ABLIM2: variants seen among roughly 807,000 people sequenced by gnomAD.
The protein encoded by ABLIM2 is actin binding LIM protein family member 2.
ABLIM2 carries 53 observed loss-of-function variants against 97.7 expected under a neutral mutation model. The ratio of observed to expected loss-of-function variants is 0.54; its 90% CI spans 0.44 to 0.68. The LOEUF (loss-of-function observed/expected upper bound fraction) is 0.68, where lower values mean the gene tolerates loss of function less well. Among genes scored for constraint, ABLIM2 ranks in the 30% least tolerant of loss-of-function variants. ABLIM2 has a pLI of 0.00. For missense variants in ABLIM2, 835 were observed against 867.2 expected, an observed-to-expected ratio of 0.96 and a Z score of 0.47; for synonymous variants, 361 against 345.8, an observed-to-expected ratio of 1.04 and a Z score of -0.49.
At chr4:7,976,298 C>A (rs535402957) in intron 20 of ABLIM2, among the ~76,000 whole-genome samples, 20 of 152,252 alleles carry the variant, frequency 1.3e-4, no homozygotes, top group African/African-American at 4.6e-4. Flanking sequence ...CATCTGCATC[C>A]ATCCACTTCT....
In ABLIM2 at chr4:8,128,438, C is replaced by T. The variant is rs1301618435; in HGVS notation, c.11-21801G>A. ...ACACCCAGTACAGCTGCCTGCAGCTCGCAAGGCCCCTGCATACCGAAACAT... is the reference window on the plus strand; with the variant it reads ...ACACCCAGTACAGCTGCCTGCAGCTTGCAAGGCCCCTGCATACCGAAACAT... On this transcript the variant is annotated intron_variant, in intron 1 of 20. Transcript: ENST00000447017. The surrounding 1 kb of genome is among the most constrained non-coding windows in gnomAD (Gnocchi z 4.9). Among the ~76,000 whole-genome samples the T allele has an allele frequency of 6.6e-6, 1 of 152,196 alleles. No homozygotes were observed. Among genetic ancestry groups the T allele is most frequent in the South Asian group, 2.1e-4 (1 of 4,832 alleles).
chr4:8,154,099 T>A (rs530114522), intron 1 of ABLIM2, among the ~76,000 whole-genome samples: 4,376 of 148,056 alleles, frequency 0.03, 99 homozygotes, highest in African/African-American at 0.063. Context: ...AGTAGCTGGG[T>A]CTACAGGCAC....
intron 9 of ABLIM2, among the ~76,000 whole-genome samples, chr4:8,039,894 T>TTC (rs34998079): frequency 0.12 from 17,583 of 145,382 alleles, 950 homozygotes; most frequent in East Asian, 0.27. Context: ...TTTTTTTTTT[T>TTC]TTAATAAATG....
Position 7,996,709 on chromosome 4 carries a change from T to A in ABLIM2, c.1619-3782A>T, listed in dbSNP as rs1007673344. Among the ~76,000 whole-genome samples the A allele has an allele frequency of 6.6e-6, 1 of 152,220 alleles. No homozygotes were observed. The highest frequency in any genetic ancestry group is 2.4e-5 in the African/African-American group (1 of 41,450). ...AAGCCTTCTTCTATTATCATTTCCTTTCTGTTTGGAGAAGATTCCTTACGG... is the reference window on the plus strand; with the variant it reads ...AAGCCTTCTTCTATTATCATTTCCTATCTGTTTGGAGAAGATTCCTTACGG... On this transcript the variant is annotated intron_variant, in intron 16 of 20. Coordinates refer to ENST00000447017, the MANE Select transcript of ABLIM2 (RefSeq NM_001130083.2). This position sits in a 1 kb window ranked among gnomAD's most constrained non-coding sequence, Gnocchi z 4.5.
At chr4:7,967,451 T>G (rs914045397) in intron 20 of ABLIM2, among the ~76,000 whole-genome samples, 2 of 152,148 alleles carry the variant, frequency 1.3e-5, no homozygotes, top group African/African-American at 2.4e-5. Flanking sequence ...TTTTATAGAT[T>G]TCCTTCAGTG....
chr4:8,050,712 A>G (rs764568446), intron 8 of ABLIM2, among the ~76,000 whole-genome samples: 1 of 151,094 alleles, frequency 6.6e-6, no homozygotes, highest in Non-Finnish European at 1.5e-5. Context: ...TCTCCCTCCC[A>G]CCCCCAGGCC....
At chr4:8,142,914 G>A (rs886644734) in intron 1 of ABLIM2, among the ~76,000 whole-genome samples, 10 of 152,184 alleles carry the variant, frequency 6.6e-5, no homozygotes, top group Admixed American at 5.9e-4. Context: ...GTGGGAGGGC[G>A]AGGAAGATAG....
chr4:8,084,276 C>T (rs1291310935), intron 4 of ABLIM2, among the ~76,000 whole-genome samples: 4 of 152,160 alleles, frequency 2.6e-5, no homozygotes, highest in Admixed American at 1.3e-4. Context: ...GGGCCCAGAG[C>T]GGGACGGGGG....
intron 20 of ABLIM2, among the ~76,000 whole-genome samples, chr4:7,973,062 G>A (rs934196255): frequency 1.2e-4 from 13 of 108,478 alleles, no homozygotes; most frequent in Non-Finnish European, 2.1e-4. Flanking sequence ...CCAGCAATGA[G>A]CTGCTCCCCT....
rs933905749 is a variant in ABLIM2, at chr4:7,982,692, T to C, written c.1824+572A>G. Among the ~76,000 whole-genome samples the C allele has an allele frequency of 1.3e-4, 20 of 149,270 alleles. 1 individual carries two copies. Among genetic ancestry groups the C allele is most frequent in the African/African-American group, 4.9e-4 (20 of 41,206 alleles). Reference sequence around the variant, plus strand: ...TCAGTAGGAGAGAACAGGCACCTCCTGCAGAGCTCATTATTATTATTATTA... The same window carrying C: ...TCAGTAGGAGAGAACAGGCACCTCCCGCAGAGCTCATTATTATTATTATTA... On this transcript the variant is annotated intron_variant, in intron 20 of 20. Transcript: ENST00000447017.
At chr4:8,012,759 C>T (rs1765917303) in intron 14 of ABLIM2, among the ~76,000 whole-genome samples, 1 of 152,058 alleles carries the variant, frequency 6.6e-6, no homozygotes, top group Non-Finnish European at 1.5e-5. Flanking sequence ...TCCATCCATC[C>T]ATCCACCCAC....
chr4:8,087,710 G>T lies in ABLIM2; in HGVS notation c.454+459C>A, dbSNP rs1824628834. Among the ~76,000 whole-genome samples the T allele has an allele frequency of 6.6e-6, 1 of 151,940 alleles. No individual in the cohort carries two copies. ...GGAAAGCAGCAGTGGGCATTAGATG[G>T]GAAAGCAGCAGTGGACATTAGATGG... On this transcript the variant is annotated intron_variant, in intron 4 of 20. Coordinates refer to ENST00000447017, the MANE Select transcript of ABLIM2 (RefSeq NM_001130083.2). The surrounding 1 kb of genome is among the most constrained non-coding windows in gnomAD (Gnocchi z 4.6).
rs1803011378 is a variant in ABLIM2 at position 8,061,422 on chromosome 4, G to A, written c.676-368C>T. 6.6e-6 allele frequency among the ~76,000 whole-genome samples: 1 copy of A among 152,158 alleles called. No homozygotes were observed. Among genetic ancestry groups the A allele is most frequent in the South Asian group, 2.1e-4 (1 of 4,826 alleles). ...GGGAGGGACAGGAGGAGGAAGAAAA[G>A]GGGAGAGGGAGGGGAGGGAAAGATA... On this transcript the variant is annotated intron_variant, in intron 6 of 20. Transcript: ENST00000447017. This position sits in a 1 kb window ranked among gnomAD's most constrained non-coding sequence, Gnocchi z 4.5.
intron 7 of ABLIM2, among the ~76,000 whole-genome samples, chr4:8,056,871 G>T (rs1336710551): frequency 7.4e-6 from 1 of 134,624 alleles, no homozygotes; most frequent in Non-Finnish European, 1.5e-5. Context: ...GGCGGAGCTT[G>T]CAGTGAGCCA....
chr4:7,998,692 C>T lies in ABLIM2; in HGVS notation c.1619-5765G>A. On this transcript the variant is annotated intron_variant, in intron 16 of 20. Transcript: ENST00000447017. This position sits in a 1 kb window ranked among gnomAD's most constrained non-coding sequence, Gnocchi z 6.4. ...CACCACATGGGAGGCTGGGAGTCTGCAGGTCTGGGCCACCTCCTGCCACTG... is the reference window on the plus strand; with the variant it reads ...CACCACATGGGAGGCTGGGAGTCTGTAGGTCTGGGCCACCTCCTGCCACTG... 2.0e-6 allele frequency: 1 copy of T among 506,648 alleles called. No individual in the cohort carries two copies. Among genetic ancestry groups the T allele is most frequent in the Admixed American group, 2.0e-5 (1 of 50,150 alleles). 31.4% of individuals were successfully genotyped at this position (506,648 alleles called of 1,614,324 possible). A position where few individuals can be genotyped will look rare whatever the true frequency, so the allele number is the denominator to read the frequency against.
intron 9 of ABLIM2, among the ~76,000 whole-genome samples, chr4:8,039,878 T>TG (rs1179482781): frequency 2.1e-5 from 3 of 140,468 alleles, no homozygotes; most frequent in East Asian, 4.5e-4. Flanking sequence ...ATTACTGTTT[T>TG]TTTTTTTTTT....
chr4:8,073,611 C>G (rs1200937700), intron 6 of ABLIM2, among the ~76,000 whole-genome samples: 5 of 151,922 alleles, frequency 3.3e-5, no homozygotes, highest in Admixed American at 6.6e-5. Flanking sequence ...AGGACGTCGT[C>G]CCTGGGATGC....
intron 20 of ABLIM2, among the ~76,000 whole-genome samples, chr4:7,975,356 C>A (rs1732121768): frequency 6.6e-6 from 1 of 152,240 alleles, no homozygotes; most frequent in African/African-American, 2.4e-5. Flanking sequence ...ATGTTGGCAC[C>A]ACCTGATTCA....
chr4:8,100,212 G>C (rs1833826513), intron 2 of ABLIM2, among the ~76,000 whole-genome samples: 1 of 152,204 alleles, frequency 6.6e-6, no homozygotes, highest in South Asian at 2.1e-4. Flanking sequence ...TTGTCCCAAG[G>C]AAATGACCAT....
Sources: allele counts gnomAD v4.1 joint callset (sites outside exome capture counted in the v4.1 genomes callset), GRCh38; gene constraint gnomAD v4.1.1; non-coding constraint Gnocchi (gnomAD v3.1); transcripts MANE v1.5; gene names NCBI Gene and HGNC (gene_info 2026-07-23, HGNC 2026-07-21).